The following GPHN variants were observed in gnomAD, a reference collection of about 807,000 sequenced individuals.
GPHN encodes gephyrin.
In GPHN, 17 loss-of-function variants were observed where a neutral mutation model predicts 95.5. The ratio of observed to expected loss-of-function variants is 0.18; its 90% CI spans 0.12 to 0.27. The LOEUF (loss-of-function observed/expected upper bound fraction) is 0.27. Ranked by LOEUF, GPHN falls within the 10% of genes least tolerant of loss-of-function variation. The pLI is 1.00. For missense variants in GPHN, 660 were observed against 978.1 expected, an observed-to-expected ratio of 0.67 and a Z score of 4.34; for synonymous variants, 320 against 322.5, an observed-to-expected ratio of 0.99 and a Z score of 0.08.
At chr14:67,686,024 T>C in the GPHN span, 1 of 152,220 alleles carries the variant, frequency 6.6e-6, no homozygotes, top group Non-Finnish European at 1.5e-5. Context: ...TACACAAACA[T>C]TAAATGTTGG....
At chr14:67,286,667 G>A in the GPHN span, among the ~76,000 whole-genome samples, 1 of 151,030 alleles carries the variant, frequency 6.6e-6, no homozygotes. Context: ...ATCAGCCTGG[G>A]CAACCTGGTG....
the GPHN span, among the ~76,000 whole-genome samples, chr14:67,637,369 C>T: frequency 7.1e-6 from 1 of 140,888 alleles, no homozygotes; most frequent in South Asian, 2.4e-4. Context: ...CGAGATCATG[C>T]CATTGCACTC....
the GPHN span, chr14:67,646,837 A>G: frequency 7.1e-7 from 1 of 1,406,382 alleles, no homozygotes; most frequent in African/African-American, 1.4e-5. Flanking sequence ...AGGTCACTAC[A>G]ACAAACCCAC....
At chr14:66,957,221 G>T (rs2068583630) in intron 8 of GPHN, among the ~76,000 whole-genome samples, 1 of 119,830 alleles carries the variant, frequency 8.3e-6, no homozygotes, top group Non-Finnish European at 1.6e-5. Flanking sequence ...TTTGAGATGG[G>T]GTCTCGCTCT....
the GPHN span, chr14:67,600,278 A>G: frequency 1.5e-6 from 2 of 1,300,678 alleles, no homozygotes; most frequent in Non-Finnish European, 2.0e-6. Context: ...CGCCCGCTCC[A>G]GACCCGCTTC....
the GPHN span, chr14:67,735,105 G>A: frequency 1.3e-6 from 1 of 770,694 alleles, no homozygotes; most frequent in Non-Finnish European, 2.4e-6. Flanking sequence ...AGCAAAGAAT[G>A]CAAAAGAAAA....
intron 9 of GPHN, among the ~76,000 whole-genome samples, chr14:66,973,777 GA>G (rs2069997778): frequency 6.6e-6 from 1 of 151,888 alleles, no homozygotes; most frequent in African/African-American, 2.4e-5. Context: ...AAAAAGAAAA[GA>G]AAAAAAGAAA....
At chr14:67,518,883 G>A in the GPHN span, among the ~76,000 whole-genome samples, 2 of 152,182 alleles carry the variant, frequency 1.3e-5, no homozygotes, top group Admixed American at 6.5e-5. Flanking sequence ...GGAGGGAGAC[G>A]GAGCATGGAA....
chr14:67,639,006 G>C, the GPHN span, among the ~76,000 whole-genome samples: 1 of 152,076 alleles, frequency 6.6e-6, no homozygotes, highest in South Asian at 2.1e-4. Flanking sequence ...CCACTACCCA[G>C]GTTGGGAATT....
At chr14:67,646,889 C>A in the GPHN span, 1 of 1,486,068 alleles carries the variant, frequency 6.7e-7, no homozygotes, top group Non-Finnish European at 9.4e-7. Context: ...GCTCTTTAAA[C>A]TAAGGACTCC....
intron 9 of GPHN, among the ~76,000 whole-genome samples, chr14:66,997,361 C>T (rs988132290): frequency 6.0e-5 from 7 of 117,290 alleles, no homozygotes; most frequent in Admixed American, 9.7e-5. Flanking sequence ...AGTGAGACTT[C>T]GTCTTAAAAA....
At chr14:67,102,864 A>G (rs1167368409) in intron 13 of GPHN, among the ~76,000 whole-genome samples, 1 of 152,160 alleles carries the variant, frequency 6.6e-6, no homozygotes, top group Non-Finnish European at 1.5e-5. Context: ...TTTAGCATCC[A>G]AAAATTGAGG....
chr14:67,031,767 A>C (rs567514743), intron 10 of GPHN, among the ~76,000 whole-genome samples: 299 of 151,914 alleles, frequency 2.0e-3, no homozygotes, highest in African/African-American at 6.7e-3. Context: ...ATATTCCCAA[A>C]GTACTATTCG....
At chr14:66,773,446 C>T (rs188462310) in intron 2 of GPHN, among the ~76,000 whole-genome samples, 7 of 151,220 alleles carry the variant, frequency 4.6e-5, no homozygotes, top group African/African-American at 7.3e-5. Flanking sequence ...CTCTGTCTCC[C>T]GGGTTCAAGC....
chr14:67,053,171 G>GGT (rs201650693), intron 10 of GPHN, among the ~76,000 whole-genome samples: 1 of 118,614 alleles, frequency 8.4e-6, no homozygotes, highest in African/African-American at 4.3e-5. Flanking sequence ...CTAGGAGCTG[G>GGT]TTTGTTTTTT....
the GPHN span, chr14:67,387,309 C>A: frequency 6.3e-7 from 1 of 1,598,600 alleles, no homozygotes; most frequent in Non-Finnish European, 8.5e-7. Context: ...GGGAGGAATC[C>A]TGGTTCCCTC....
At chr14:66,959,325 G>A (rs529063702) in intron 8 of GPHN, among the ~76,000 whole-genome samples, 4 of 151,670 alleles carry the variant, frequency 2.6e-5, no homozygotes, top group Non-Finnish European at 4.4e-5. Flanking sequence ...AAAAATATAC[G>A]TGAGATACTG....
At chr14:67,372,075 G>C in the GPHN span, among the ~76,000 whole-genome samples, 36 of 151,876 alleles carry the variant, frequency 2.4e-4, no homozygotes, top group Admixed American at 9.8e-4. Flanking sequence ...GACCAGCCTG[G>C]GCAACATAGC....
chr14:66,965,484 T>A (rs553236906), intron 9 of GPHN, among the ~76,000 whole-genome samples, 159 bp downstream of exon 9: 5 of 152,188 alleles, frequency 3.3e-5, no homozygotes, highest in Non-Finnish European at 7.3e-5. Flanking sequence ...GTGTCACAAA[T>A]TGTCATATTA....
Sources: gnomAD v4.1 joint callset for allele counts (sites outside exome capture counted in the v4.1 genomes callset) on GRCh38, gnomAD v4.1.1 for gene constraint, MANE v1.5 for transcripts, NCBI Gene and HGNC (gene_info 2026-07-23, HGNC 2026-07-21) for gene names.